COPS6: variants seen among roughly 807,000 people sequenced by gnomAD.
COPS6 encodes COP9 signalosome subunit 6, also known as COP9 signalosome complex subunit 6.
Under a neutral mutation model 41.0 loss-of-function variants are expected in COPS6, and 9 were observed. That is an observed-to-expected ratio of 0.22 (90% CI 0.13 to 0.38). COPS6 has a LOEUF of 0.38. Among genes scored for constraint, COPS6 ranks in the 10% least tolerant of loss-of-function variants. COPS6 has a pLI of 1.00. For synonymous variants in COPS6, 179 were observed against 162.9 expected, an observed-to-expected ratio of 1.10 and a Z score of -0.75; for missense variants, 302 against 436.7, an observed-to-expected ratio of 0.69 and a Z score of 2.75.
chr7:100,089,691 C>T lies in COPS6; in HGVS notation c.279C>T (p.Thr93=), dbSNP rs775492343. The T allele has an allele frequency of 6.2e-7, 1 of 1,613,602 alleles. No homozygotes were observed. Among genetic ancestry groups the T allele is most frequent in the African/African-American group, 1.3e-5 (1 of 74,802 alleles). Residue 93 remains threonine (T), a synonymous_variant, in exon 3 of 10, where the codon ACC becomes ACT. Transcript: ENST00000303904. ...ACTCCTTTGAGCTGCTGTCCCACAC[C>T]GTGGAAGAGAAGATTATCATTGACA... ...VMNSFELLSH[T]VEEKIIIDKE...
Position 100,091,115 on chromosome 7 carries a change from C to T in COPS6, c.612C>T (p.Ala204=), listed in dbSNP as rs774366553. ...EAERIGVDHV[A]RMTATGSGEN... ...AACGCATTGGTGTAGACCACGTAGC[C>T]CGAATGACAGCAACAGGCAGTGGAG... Residue 204 remains alanine, a synonymous_variant, in exon 7 of 10, where the codon GCC becomes GCT. Transcript: ENST00000303904. The surrounding 1 kb of genome is among the most constrained non-coding windows in gnomAD (Gnocchi z 4.1). 1.2e-6 allele frequency: 2 copies of T among 1,614,154 alleles called. No individual in the cohort carries two copies. The highest frequency in any genetic ancestry group is 1.7e-6 in the Non-Finnish European group (2 of 1,180,028).
chr7:100,090,204 C>G (rs933495516), intron 3 of COPS6, 195 bp from the exon 4 acceptor site: 1 of 578,760 alleles, frequency 1.7e-6, no homozygotes, highest in Non-Finnish European at 3.1e-6. Flanking sequence ...AAAAATTAGT[C>G]TGGCATGGTG....
rs1487228056 is a variant in COPS6 at position 100,091,347 on chromosome 7, C to CCTGG, written c.742+19_742+22dup. 9.9e-6 allele frequency: 16 copies of CCTGG among 1,613,764 alleles called. No individual in the cohort carries two copies. Among genetic ancestry groups the CCTGG allele is most frequent in the Non-Finnish European group, 1.4e-5 (16 of 1,179,658 alleles). ...CTGAAGCGGGTAGGACAGGGGCTTC[C>CCTGG]CTGGCATTCTTCCTCTCCCTCCTGG... On this transcript the variant is annotated intron_variant, in intron 8 of 9. Coordinates refer to ENST00000303904, the MANE Select transcript of COPS6 (RefSeq NM_006833.5). The surrounding 1 kb of genome is among the most constrained non-coding windows in gnomAD (Gnocchi z 4.1).
rs749622502 is a variant in COPS6, at chr7:100,090,447, G to C, written c.383G>C (p.Gly128Ala). Residue 128 changes from glycine (G) to alanine (A), a missense_variant, in exon 4 of 10, where the codon GGG becomes GCG. By Grantham distance (60) the Gly-to-Ala change is moderately conservative. Transcript: ENST00000303904. Reference protein sequence around the residue: ...ELEFLGWYTTGGPPDPSDIHV... With the variant: ...ELEFLGWYTTAGPPDPSDIHV... The stretch of plus-strand genomic sequence containing the variant: ...GAGTTTCTGGGTTGGTATACCACAG[G>C]GGGGCCACCTGACCCCTCGGACATC... The C allele has an allele frequency of 1.9e-6, 3 of 1,614,128 alleles. No individual in the cohort carries two copies. Among genetic ancestry groups the C allele is most frequent in the South Asian group, 1.1e-5 (1 of 91,084 alleles).
rs757945167 is a variant in COPS6 at position 100,089,342 on chromosome 7, C to T, written c.129C>T (p.Leu43=). The T allele has an allele frequency of 3.1e-6, 5 of 1,613,990 alleles. No individual in the cohort carries two copies. Among genetic ancestry groups the T allele is most frequent in the Admixed American group, 1.7e-5 (1 of 59,994 alleles). The change falls in exon 2 of 10, where the codon CTC becomes CTT. Residue 43 remains leucine, a synonymous_variant. Transcript: ENST00000303904. ...CGVTGSVSVA[L]HPLVILNISD... is the part of the protein sequence containing the mutation. ...TGACTGGGAGTGTTTCCGTCGCTCT[C>T]CATCCCCTTGTCATTCTCAACATCT... is the stretch of plus-strand genomic sequence containing the variant.
Position 100,091,243 on chromosome 7 carries a change from G to A in COPS6, c.655G>A (p.Glu219Lys). The A allele has an allele frequency of 6.2e-7, 1 of 1,614,168 alleles. No individual in the cohort carries two copies. Among genetic ancestry groups the A allele is most frequent in the Non-Finnish European group, 8.5e-7 (1 of 1,180,014 alleles). Residue 219 changes from glutamate to lysine, a missense_variant, in exon 8 of 10, where the codon GAA becomes AAA. Glu to Lys is a moderately conservative substitution (Grantham distance 56). Around this residue, in one of 3 missense-constraint regions of COPS6, gnomAD observed 222 missense variants for 309.0 expected, o/e 0.72. Transcript: ENST00000303904. The surrounding 1 kb of genome is among the most constrained non-coding windows in gnomAD (Gnocchi z 4.1). ...TGSGENSTVA[E>K]HLIAQHSAIK... The stretch of plus-strand genomic sequence containing the variant: ...CTGTCCTCATCCCCTTGCAGTGGCT[G>A]AACACCTGATAGCACAGCACAGCGC...
intron 4 of COPS6, 47 bp from the exon 5 acceptor site, chr7:100,090,545 G>C (rs756171637): frequency 1.2e-6 from 2 of 1,610,832 alleles, no homozygotes; most frequent in Non-Finnish European, 1.7e-6. Flanking sequence ...AGGGGAAGGA[G>C]AAAGGTAGGG....
chr7:100,090,618 CTT>C lies in COPS6; in HGVS notation c.452_453del (p.Phe151SerfsTer18). ...QVCEIIESPL[F>X]LKLNPMTKHT... ...TGTGTGAGATCATCGAGAGCCCCCT[CTT>C]TCTGAAGTTGAACCCTATGACCAAG... On this transcript the variant is annotated frameshift_variant, in exon 5 of 10. Coordinates refer to ENST00000303904, the MANE Select transcript of COPS6 (RefSeq NM_006833.5). LOFTEE classifies it high-confidence loss of function. The C allele has an allele frequency of 6.2e-7, 1 of 1,614,170 alleles. No individual in the cohort carries two copies. The highest frequency in any genetic ancestry group is 8.5e-7 in the Non-Finnish European group (1 of 1,180,016).
chr7:100,090,712 A>T, intron 5 of COPS6, 58 bp downstream of exon 5: 1 of 1,546,472 alleles, frequency 6.5e-7, no homozygotes, highest in Non-Finnish European at 8.9e-7. Flanking sequence ...TTACTGTGTG[A>T]CACTCCTCTA....
rs762452491 is a variant in COPS6, at chr7:100,089,822, G to T, written c.334+76G>T. 1 of 1,445,982 alleles carries T rather than the reference G, an allele frequency of 6.9e-7. No individual in the cohort carries two copies. The highest frequency in any genetic ancestry group is 9.5e-7 in the Non-Finnish European group (1 of 1,055,026). 89.6% of individuals were successfully genotyped at this position (1,445,982 alleles called of 1,614,324 possible). A position where few individuals can be genotyped will look rare whatever the true frequency, so the allele number is the denominator to read the frequency against. On this transcript the variant is annotated intron_variant, in intron 3 of 9. Transcript: ENST00000303904. Reference sequence around the variant, plus strand: ...GTACAGGGTGGGGAAGATGGAGAGGGTTGGAAAGAAACAGGAGAGGAGACC... The same window carrying T: ...GTACAGGGTGGGGAAGATGGAGAGGTTTGGAAAGAAACAGGAGAGGAGACC...
rs779723011 is a variant in COPS6 at position 100,090,688 on chromosome 7, T to A, written c.486+34T>A. 5 of 1,597,138 alleles carry A rather than the reference T, an allele frequency of 3.1e-6. No homozygotes were observed. The Admixed American group carries it at 8.3e-5, about 27-fold the overall frequency. ...TACTCCATGCCTACTCTGTCATGATTGTCGCTATACCTTTTACTGTGTGAC... is the reference window on the plus strand; with the variant it reads ...TACTCCATGCCTACTCTGTCATGATAGTCGCTATACCTTTTACTGTGTGAC... On this transcript the variant is annotated intron_variant, in intron 5 of 9. Coordinates refer to ENST00000303904, the MANE Select transcript of COPS6 (RefSeq NM_006833.5).
chr7:100,090,416 G>A lies in COPS6; in HGVS notation c.352G>A (p.Glu118Lys). The A allele has an allele frequency of 6.2e-7, 1 of 1,613,656 alleles. No individual in the cohort carries two copies. The highest frequency in any genetic ancestry group is 8.5e-7 in the Non-Finnish European group (1 of 1,179,642). ...KEEQFKQVFK[E>K]LEFLGWYTTG... Reference sequence around the variant, plus strand: ...CCCTCTAGTTAAACAGGTGTTCAAGGAGCTGGAGTTTCTGGGTTGGTATAC... The same window carrying A: ...CCCTCTAGTTAAACAGGTGTTCAAGAAGCTGGAGTTTCTGGGTTGGTATAC... Residue 118 changes from glutamate (E) to lysine (K), a missense_variant, in exon 4 of 10, where the codon GAG (glutamate) becomes AAG (lysine). Glu to Lys is a moderately conservative substitution (Grantham distance 56, BLOSUM62 1). This residue lies in a region of COPS6 where 222 missense variants were observed against 309.0 expected (regional missense o/e 0.72). Coordinates refer to ENST00000303904, the MANE Select transcript of COPS6 (RefSeq NM_006833.5).
chr7:100,089,857 G>T, intron 3 of COPS6, 111 bp downstream of exon 3: 2 of 1,057,644 alleles, frequency 1.9e-6, no homozygotes, highest in Non-Finnish European at 2.7e-6. Flanking sequence ...CAAGAACAGG[G>T]GAGAAAAAGT....
Position 100,091,582 on chromosome 7 carries a change from G to C in COPS6, c.843+62G>C. On this transcript the variant is annotated intron_variant, in intron 9 of 9. Coordinates refer to ENST00000303904, the MANE Select transcript of COPS6 (RefSeq NM_006833.5). The surrounding 1 kb of genome is among the most constrained non-coding windows in gnomAD (Gnocchi z 4.1). ...GCTGTCACTTTCACGTGCAGGACTGGGGACTGTTGTTCCCCGGGCATGCCA... is the reference window on the plus strand; with the variant it reads ...GCTGTCACTTTCACGTGCAGGACTGCGGACTGTTGTTCCCCGGGCATGCCA... 6.2e-7 allele frequency: 1 copy of C among 1,613,846 alleles called. No individual in the cohort carries two copies. The highest frequency in any genetic ancestry group is 1.3e-5 in the African/African-American group (1 of 75,024).
Position 100,092,022 on chromosome 7 carries a change from G to A in COPS6, c.*233G>A, listed in dbSNP as rs1037515371. 2 of 565,346 alleles carry A rather than the reference G, an allele frequency of 3.5e-6. No individual in the cohort carries two copies. Among genetic ancestry groups the A allele is most frequent in the Middle Eastern group, 4.7e-4 (1 of 2,112 alleles). The allele number at this position is 565,346 out of a possible 1,614,324, so 35.0% of individuals were successfully genotyped here. On this transcript the variant is annotated 3_prime_UTR_variant, in exon 10 of 10. Transcript: ENST00000303904. ...CCTTCTGATGCTCTTCAGTGAGGGA[G>A]GCACTACCATTTGAAGTGACCCCAT...
At chr7:100,089,790 A>G (rs1171984927) in intron 3 of COPS6, 44 bp downstream of exon 3, 1 of 1,596,832 alleles carries the variant, frequency 6.3e-7, no homozygotes, top group Non-Finnish European at 8.5e-7. Flanking sequence ...GGAGTTAAAA[A>G]AAAAATGTAC....
At position 100,091,657 on chromosome 7, in the gene COPS6, C is replaced by A. The variant is rs775484271; in HGVS notation, c.852C>A (p.Asn284Lys). The A allele has an allele frequency of 6.2e-7, 1 of 1,614,068 alleles. No homozygotes were observed. The highest frequency in any genetic ancestry group is 1.3e-5 in the African/African-American group (1 of 74,908). ...KFKTDFYDQC[N>K]DVGLMAYLGT... is the part of the protein sequence containing the mutation. The stretch of plus-strand genomic sequence containing the variant: ...TTTCTGTTCCCTCCCAGCAATGCAA[C>A]GACGTGGGGCTCATGGCCTACCTCG... Residue 284 changes from asparagine to lysine, a missense_variant, in exon 10 of 10, where the codon AAC (asparagine) becomes AAA (lysine). Coordinates refer to ENST00000303904, the MANE Select transcript of COPS6 (RefSeq NM_006833.5). The surrounding 1 kb of genome is among the most constrained non-coding windows in gnomAD (Gnocchi z 4.1).
chr7:100,089,445 TCTC>T (rs773946699), intron 2 of COPS6, 30 bp downstream of exon 2: 4 of 1,613,188 alleles, frequency 2.5e-6, no homozygotes, highest in Non-Finnish European at 3.4e-6. Context: ...TCCAGTCTCT[TCTC>T]CTTGCTCACC....
At chr7:100,090,557 G>A (rs774797949) in intron 4 of COPS6, 35 bp from the exon 5 acceptor site, 2 of 1,610,890 alleles carry the variant, frequency 1.2e-6, no homozygotes, top group Non-Finnish European at 1.7e-6. Flanking sequence ...AAGGTAGGGG[G>A]CACTGACTTC....
Sources: gnomAD v4.1 joint callset for allele counts on GRCh38, gnomAD v4.1.1 for gene constraint, gnomAD v4.1.1 regional missense constraint, Gnocchi (gnomAD v3.1) non-coding constraint, MANE v1.5 for transcripts, NCBI Gene and HGNC (gene_info 2026-07-23, HGNC 2026-07-21) for gene names.